ZNF280B: variants seen among roughly 807,000 people sequenced by gnomAD.
ZNF280B encodes the protein zinc finger protein 280B.
A neutral mutation model predicts 38.0 loss-of-function variants in ZNF280B; 16 were observed. The observed-to-expected ratio is 0.42, with a 90% CI of 0.28 to 0.64. The LOEUF (loss-of-function observed/expected upper bound fraction) is 0.64, where lower values mean the gene tolerates loss of function less well. Ranked by LOEUF, ZNF280B falls within the 30% of genes least tolerant of loss-of-function variation. The pLI, the probability that ZNF280B is intolerant of heterozygous loss-of-function variation, is 0.21. For synonymous variants in ZNF280B, 253 were observed against 230.6 expected, an observed-to-expected ratio of 1.10 and a Z score of -0.88; for missense variants, 581 against 639.6, an observed-to-expected ratio of 0.91 and a Z score of 0.99.
chr22:22,508,554 C>G (rs974995943), intron 1 of ZNF280B, 105 bp downstream of exon 1: 1 of 152,070 alleles, frequency 6.6e-6, no homozygotes, highest in Non-Finnish European at 1.5e-5. Flanking sequence ...TCCGGCAGCG[C>G]ACGGCCAAGC....
In ZNF280B at chr22:22,484,487, AAAT is replaced by A. The variant is rs1246582780; in HGVS notation, c.*3277_*3279del. The stretch of plus-strand genomic sequence containing the variant: ...CTTATAATTTTTGGCAACATTAATA[AAAT>A]AATAAATTTCACCTGAAAGAACAAG... On this transcript the variant is annotated 3_prime_UTR_variant, in exon 4 of 4. Transcript: ENST00000626650. 6.6e-6 allele frequency: 1 copy of A among 152,474 alleles called. No individual in the cohort carries two copies. The highest frequency in any genetic ancestry group is 2.4e-5 in the African/African-American group (1 of 41,410). The allele number at this position is 152,474 out of a possible 1,614,324, so 9.4% of individuals were successfully genotyped here.
chr22:22,496,537 T>C (rs903784041), intron 2 of ZNF280B, among the ~76,000 whole-genome samples: 1 of 151,964 alleles, frequency 6.6e-6, no homozygotes, highest in African/African-American at 2.4e-5. Context: ...AAATGTTTGC[T>C]GTAGTTTTAA....
chr22:22,495,814 A>T (rs1330613664), intron 2 of ZNF280B, among the ~76,000 whole-genome samples: 2 of 149,716 alleles, frequency 1.3e-5, no homozygotes, highest in African/African-American at 2.5e-5. Context: ...TTTAATTGAG[A>T]CGGAGTCTTG....
intron 2 of ZNF280B, among the ~76,000 whole-genome samples, chr22:22,497,070 AG>A (rs2061711655): frequency 6.6e-6 from 1 of 150,982 alleles, no homozygotes; most frequent in Admixed American, 6.6e-5. Context: ...CACCCGCCTT[AG>A]GCTCCCAAAG....
intron 3 of ZNF280B, among the ~76,000 whole-genome samples, chr22:22,490,498 T>C (rs892849853): frequency 3.9e-5 from 6 of 151,968 alleles, no homozygotes; most frequent in African/African-American, 1.4e-4. Flanking sequence ...TTTATTTTTT[T>C]GAGATGGAGT....
Position 22,488,297 on chromosome 22 carries a change from C to T in ZNF280B, c.1102G>A (p.Ala368Thr). 2 of 1,613,818 alleles carry T rather than the reference C, an allele frequency of 1.2e-6. No homozygotes were observed. Among genetic ancestry groups the T allele is most frequent in the Non-Finnish European group, 1.7e-6 (2 of 1,179,950 alleles). The change falls in exon 4 of 4, where the codon GCC becomes ACC. Residue 368 changes from alanine to threonine, a missense_variant. Physicochemically the swap from Ala to Thr is moderately conservative, Grantham distance 58 (BLOSUM62 0). Transcript: ENST00000626650. Reference sequence around the variant, plus strand: ...TTACAGACAGTAGAGGGCTCCTGGGCAGTGTGGACATTTTCGATGTGACAC... The same window carrying T: ...TTACAGACAGTAGAGGGCTCCTGGGTAGTGTGGACATTTTCGATGTGACAC... ...LQCHIENVHT[A>T]QEPSTVCKIC...
intron 2 of ZNF280B, among the ~76,000 whole-genome samples, chr22:22,505,855 G>T (rs2061927399): frequency 6.6e-6 from 1 of 151,974 alleles, no homozygotes; most frequent in African/African-American, 2.4e-5. Flanking sequence ...TGAGTGAGAA[G>T]TAATATGATC....
chr22:22,495,468 T>C (rs2061675531), intron 2 of ZNF280B, among the ~76,000 whole-genome samples: 1 of 151,940 alleles, frequency 6.6e-6, no homozygotes, highest in Non-Finnish European at 1.5e-5. Flanking sequence ...ATAGTAAGTA[T>C]AATAAAAATG....
Position 22,488,464 on chromosome 22 carries a change from C to G in ZNF280B, c.935G>C (p.Cys312Ser). 6.2e-7 allele frequency: 1 copy of G among 1,613,866 alleles called. No homozygotes were observed. Among genetic ancestry groups the G allele is most frequent in the Non-Finnish European group, 8.5e-7 (1 of 1,179,976 alleles). The change falls in exon 4 of 4, where the codon TGC becomes TCC. Residue 312 changes from cysteine (C) to serine (S), a missense_variant. By Grantham distance (112) the Cys-to-Ser change is moderately radical. Coordinates refer to ENST00000626650, the MANE Select transcript of ZNF280B (RefSeq NM_080764.4). ...KTHTTFKCLSCVKVLKNVKFM... is the reference protein window; with the variant it reads ...KTHTTFKCLSSVKVLKNVKFM... ...CTTAACATTTTTTAGAACTTTCACG[C>G]AGCTGAGGCATTTAAAGGTGGTGTG... is the stretch of plus-strand genomic sequence containing the variant.
At chr22:22,502,123 T>C (rs2061838731) in intron 2 of ZNF280B, among the ~76,000 whole-genome samples, 1 of 151,692 alleles carries the variant, frequency 6.6e-6, no homozygotes, top group South Asian at 2.1e-4. Context: ...CGAGACCCTG[T>C]CTCAAAAACA....
rs533834947 is a variant in ZNF280B at position 22,490,276 on chromosome 22, A to G, written c.-68-810T>C. Among the ~76,000 whole-genome samples, 3 of 152,030 alleles carry G rather than the reference A, an allele frequency of 2.0e-5. No individual in the cohort carries two copies. The South Asian group carries it at 6.2e-4, about 32-fold the overall frequency. On this transcript the variant is annotated intron_variant, in intron 3 of 3. Coordinates refer to ENST00000626650, the MANE Select transcript of ZNF280B (RefSeq NM_080764.4). ...ATAGCAAGCAGATTGATTGTGTTAA[A>G]CAAAGTCAGACTGTATCATTGTTCA... is the stretch of plus-strand genomic sequence containing the variant.
rs2061504934 is a variant in ZNF280B at position 22,486,591 on chromosome 22, G to C, written c.*1176C>G. The C allele has an allele frequency of 6.6e-6, 1 of 152,262 alleles. No homozygotes were observed. The highest frequency in any genetic ancestry group is 1.5e-5 in the Non-Finnish European group (1 of 68,038). 9.4% of individuals were successfully genotyped at this position (152,262 alleles called of 1,614,324 possible). Reference sequence around the variant, plus strand: ...GAATCAAATTCACCTTTAGATCACAGAACAGGAAGTCAGCTAGTACCAGGC... The same window carrying C: ...GAATCAAATTCACCTTTAGATCACACAACAGGAAGTCAGCTAGTACCAGGC... On this transcript the variant is annotated 3_prime_UTR_variant, in exon 4 of 4. Coordinates refer to ENST00000626650, the MANE Select transcript of ZNF280B (RefSeq NM_080764.4).
chr22:22,492,914 C>T (rs2061625484), intron 3 of ZNF280B, among the ~76,000 whole-genome samples: 1 of 151,350 alleles, frequency 6.6e-6, no homozygotes, highest in African/African-American at 2.4e-5. Flanking sequence ...TATTCTAATT[C>T]ACAATCATTA....
At chr22:22,500,431 G>T (rs2092406942) in intron 2 of ZNF280B, among the ~76,000 whole-genome samples, 1 of 151,814 alleles carries the variant, frequency 6.6e-6, no homozygotes, top group Non-Finnish European at 1.5e-5. Context: ...AAGAAAATCT[G>T]TCACATGCTA....
At position 22,488,366 on chromosome 22, in the gene ZNF280B, AG is replaced by A; in HGVS notation, c.1032del (p.Cys345AlafsTer48). ...GGAAACTGCCGGTGGCAGTGCTGGC[AG>A]GTGGTGTGGTTTTCCCAGCTGTCGT... ...QRNDSWENHT[T>X]CQHCHRQFPT... On this transcript the variant is annotated frameshift_variant, in exon 4 of 4. Coordinates refer to ENST00000626650, the MANE Select transcript of ZNF280B (RefSeq NM_080764.4). LOFTEE classifies it high-confidence loss of function. 6.2e-7 allele frequency: 1 copy of A among 1,613,900 alleles called. No homozygotes were observed. The highest frequency in any genetic ancestry group is 1.1e-5 in the South Asian group (1 of 91,058).
intron 2 of ZNF280B, among the ~76,000 whole-genome samples, chr22:22,504,147 T>C (rs543181899): frequency 6.6e-6 from 1 of 151,962 alleles, no homozygotes; most frequent in African/African-American, 2.4e-5. Context: ...AAATAACTTG[T>C]GCCAGGCCGG....
In ZNF280B at chr22:22,486,206, A is replaced by G. The variant is rs1384557666; in HGVS notation, c.*1561T>C. 1 of 152,052 alleles carries G rather than the reference A, an allele frequency of 6.6e-6. No individual in the cohort carries two copies. The highest frequency in any genetic ancestry group is 1.5e-5 in the Non-Finnish European group (1 of 68,030). 9.4% of individuals were successfully genotyped at this position (152,052 alleles called of 1,614,324 possible). On this transcript the variant is annotated 3_prime_UTR_variant, in exon 4 of 4. Coordinates refer to ENST00000626650, the MANE Select transcript of ZNF280B (RefSeq NM_080764.4). ...AATACATTCATGTCCAAAGCAAGAC[A>G]TAAAGTTGCAAGCTTCACATGTTCA...
chr22:22,487,860 T>C lies in ZNF280B; in HGVS notation c.1539A>G (p.Gly513=), dbSNP rs1381054416. 7 of 1,613,884 alleles carry C rather than the reference T, an allele frequency of 4.3e-6. No homozygotes were observed. The South Asian group carries it at 4.4e-5, about 10-fold the overall frequency. The change falls in exon 4 of 4, where the codon GGA becomes GGG. Residue 513 remains glycine (G), a synonymous_variant. Coordinates refer to ENST00000626650, the MANE Select transcript of ZNF280B (RefSeq NM_080764.4). ...IQVSLEPLQP[G]SVDVASITVS... Reference sequence around the variant, plus strand: ...CAGTTATGGATGCTACATCCACTGATCCTGGCTGAAGAGGTTCCAGCGACA... The same window carrying C: ...CAGTTATGGATGCTACATCCACTGACCCTGGCTGAAGAGGTTCCAGCGACA...
intron 2 of ZNF280B, among the ~76,000 whole-genome samples, chr22:22,499,186 G>A (rs150977114): frequency 0.024 from 3,591 of 151,906 alleles, 75 homozygotes; most frequent in Middle Eastern, 0.098. Context: ...CCATGACCAA[G>A]TGGGATTTAT....
Sources: gnomAD v4.1 joint callset for allele counts (sites outside exome capture counted in the v4.1 genomes callset) on GRCh38, gnomAD v4.1.1 for gene constraint, MANE v1.5 for transcripts, NCBI Gene and HGNC (gene_info 2026-07-23, HGNC 2026-07-21) for gene names.